The following ANO1 variants were observed in gnomAD, a reference collection of about 807,000 sequenced individuals.
ANO1 encodes the protein anoctamin-1.
Under a neutral mutation model 124.0 loss-of-function variants are expected in ANO1, and 59 were observed. The observed-to-expected ratio is 0.48, with a 90% confidence interval of 0.39 to 0.59. The LOEUF (loss-of-function observed/expected upper bound fraction) is 0.59, where lower values mean the gene tolerates loss of function less well. Among genes scored for constraint, ANO1 ranks in the 20% least tolerant of loss-of-function variants. The probability of loss-of-function intolerance (pLI) is 0.00; values close to 1 mark genes in which losing one functional copy is unlikely to be tolerated. For missense variants in ANO1, 1,059 were observed against 1,328.0 expected (o/e 0.80, Z 3.15); for synonymous variants, 529 against 532.0 (o/e 0.99, Z 0.08).
intron 1 of ANO1, among the ~76,000 whole-genome samples, chr11:70,045,449 T>C (rs1857244426): frequency 6.6e-6 from 1 of 152,220 alleles, no homozygotes; most frequent in Non-Finnish European, 1.5e-5. Flanking sequence ...GAATACGTTT[T>C]CTTGAGAGAA....
At chr11:70,035,015 T>A (rs1490733316) in intron 1 of ANO1, among the ~76,000 whole-genome samples, 1 of 151,904 alleles carries the variant, frequency 6.6e-6, no homozygotes, top group Admixed American at 6.6e-5. Flanking sequence ...TGGGCTCCTA[T>A]GTTGGGGGAC....
intron 1 of ANO1, among the ~76,000 whole-genome samples, chr11:70,071,706 C>T (rs1857877903): frequency 6.6e-6 from 1 of 152,054 alleles, no homozygotes; most frequent in Non-Finnish European, 1.5e-5. Flanking sequence ...TCGCTGCAGC[C>T]TCAAACTTCT....
intron 1 of ANO1, among the ~76,000 whole-genome samples, chr11:70,024,783 G>A (rs1166239045): frequency 1.1e-4 from 17 of 152,296 alleles, no homozygotes; most frequent in African/African-American, 2.4e-4. Flanking sequence ...AGACATAGGC[G>A]GATCCCACCG....
At chr11:69,991,465 G>A (rs1856153659) in intron 1 of ANO1, among the ~76,000 whole-genome samples, 1 of 152,114 alleles carries the variant, frequency 6.6e-6, no homozygotes, top group Non-Finnish European at 1.5e-5. Flanking sequence ...CTGCCCCCCT[G>A]TCCTCTGTGA....
At chr11:70,073,469 G>A (rs1002286214), upstream of ANO1, among the ~76,000 whole-genome samples, 2 of 152,266 alleles carry the variant, frequency 1.3e-5, no homozygotes, top group African/African-American at 2.4e-5. Context: ...CATAGTAAGC[G>A]CTGCGCAGCT....
At chr11:69,991,281 G>C (rs2120301016) in intron 1 of ANO1, among the ~76,000 whole-genome samples, 1 of 152,290 alleles carries the variant, frequency 6.6e-6, no homozygotes, top group South Asian at 2.1e-4. Flanking sequence ...CTGACATTTG[G>C]CACACTTCCT....
At position 70,161,254 on chromosome 11, in the gene ANO1, T is replaced by C. The variant is rs746221072; in HGVS notation, c.1672T>C (p.Ser558Pro). 4 of 1,613,880 alleles carry C rather than the reference T, an allele frequency of 2.5e-6. No homozygotes were observed. In the South Asian group the frequency reaches 3.3e-5, roughly 13 times the overall value. The change falls in exon 17 of 26, where the codon TCC becomes CCC. Residue 558 changes from serine to proline, a missense_variant. Physicochemically the swap from Ser to Pro is moderately conservative, Grantham distance 74. Around this residue, in one of 2 missense-constraint regions of ANO1, gnomAD observed 809 missense variants for 1,094.9 expected, o/e 0.74. Transcript: ENST00000355303. ...LAMNSSPSVRSNIRVTVTATA... is the reference protein window; with the variant it reads ...LAMNSSPSVRPNIRVTVTATA... The stretch of plus-strand genomic sequence containing the variant: ...CATGAACTCCTCCCCCTCCGTGCGG[T>C]CCAACATCCGGGTCACAGTCACAGC...
chr11:69,993,351 A>C (rs1454341449), intron 1 of ANO1, among the ~76,000 whole-genome samples: 1 of 152,186 alleles, frequency 6.6e-6, no homozygotes, highest in Non-Finnish European at 1.5e-5. Context: ...ACATGGTGGA[A>C]ATGGAGCTAT....
At chr11:69,975,006 C>T in the ANO1 span, among the ~76,000 whole-genome samples, 11 of 152,264 alleles carry the variant, frequency 7.2e-5, no homozygotes, top group African/African-American at 2.2e-4. Context: ...GAGGCAGCTA[C>T]GGAGGCAGCC....
At chr11:70,144,788 C>T (rs564214996) in intron 11 of ANO1, among the ~76,000 whole-genome samples, 4 of 152,310 alleles carry the variant, frequency 2.6e-5, no homozygotes, top group East Asian at 3.9e-4. Context: ...TGGGAAGCCC[C>T]GTCCCTAATG....
chr11:69,989,067 G>T (rs1856104216), intron 1 of ANO1, among the ~76,000 whole-genome samples: 1 of 152,148 alleles, frequency 6.6e-6, no homozygotes, highest in Non-Finnish European at 1.5e-5. Flanking sequence ...GTGACTGCGT[G>T]CCAGTCACCC....
intron 5 of ANO1, among the ~76,000 whole-genome samples, chr11:70,106,931 G>A (rs118091650): frequency 0.016 from 2,467 of 152,346 alleles, 31 homozygotes; most frequent in Middle Eastern, 0.027. Flanking sequence ...GCCTGTGGGC[G>A]CTGGGGAGCC....
intron 1 of ANO1, among the ~76,000 whole-genome samples, chr11:70,049,552 G>T (rs782147557): frequency 3.6e-4 from 55 of 151,596 alleles, no homozygotes; most frequent in Non-Finnish European, 7.1e-4. Flanking sequence ...TGTTCCAGGA[G>T]CTGTTATGGG....
chr11:70,161,802 C>CCTGTGGGG, intron 18 of ANO1, 69 bp downstream of exon 18: 2 of 1,475,902 alleles, frequency 1.4e-6, no homozygotes, highest in South Asian at 1.2e-5. Flanking sequence ...TCCCTCCCCA[C>CCTGTGGGG]AGGTTGGGGG....
chr11:70,085,315 C>A lies in ANO1; in HGVS notation c.109-2437C>A. ...CCCTCAAAAGCCAGCCCTCCCCCAC[C>A]CTTCCCCCTGAGCCCTCCCAAGCCA... On this transcript the variant is annotated intron_variant, in intron 1 of 25. Transcript: ENST00000355303. 2.2e-6 allele frequency: 3 copies of A among 1,366,622 alleles called. No homozygotes were observed. In the South Asian group the frequency reaches 4.6e-5, roughly 21 times the overall value. 84.7% of individuals were successfully genotyped at this position (1,366,622 alleles called of 1,614,324 possible). A position where few individuals can be genotyped will look rare whatever the true frequency, so the allele number is the denominator to read the frequency against.
intron 2 of ANO1, among the ~76,000 whole-genome samples, chr11:70,090,776 C>T (rs188391169): frequency 6.6e-6 from 1 of 152,176 alleles, no homozygotes; most frequent in East Asian, 1.9e-4. Flanking sequence ...GTGAAATGAC[C>T]CCAACTTTTC....
rs574501374 is a variant in ANO1, at chr11:69,988,225, A to T, written c.58+2059A>T. ...AGCCACAGAGTTGGAGAACAGAAAG[A>T]GGTCTGGGTTCCCACTTTTTCCTGC... On this transcript the variant is annotated intron_variant, in intron 1 of 27. Transcript: ENST00000531349. Among the ~76,000 whole-genome samples the T allele has an allele frequency of 9.6e-4, 146 of 152,326 alleles. 1 individual carries two copies. Among genetic ancestry groups the T allele is most frequent in the Middle Eastern group, 3.4e-3 (1 of 294 alleles).
chr11:70,032,206 G>A (rs1857013866), intron 1 of ANO1, among the ~76,000 whole-genome samples: 1 of 152,176 alleles, frequency 6.6e-6, no homozygotes, highest in Non-Finnish European at 1.5e-5. Context: ...GGAAGGCTGG[G>A]GCAGCATGAC....
chr11:70,111,636 C>T (rs1286963237), intron 6 of ANO1, 71 bp from the exon 7 acceptor site: 6 of 1,478,754 alleles, frequency 4.1e-6, no homozygotes, highest in African/African-American at 1.4e-5. Flanking sequence ...GCCCTGTGAC[C>T]GCTGTGACTT....
Sources: allele counts gnomAD v4.1 joint callset (sites outside exome capture counted in the v4.1 genomes callset), GRCh38; gene constraint gnomAD v4.1.1; regional missense constraint gnomAD v4.1.1; transcripts MANE v1.5; gene names NCBI Gene and HGNC (gene_info 2026-07-23, HGNC 2026-07-21).